THADA: variants seen among roughly 807,000 people sequenced by gnomAD.
The protein encoded by THADA is tRNA (32-2'-O)-methyltransferase regulator THADA.
THADA carries 213 observed loss-of-function variants against 219.8 expected under a neutral mutation model. The ratio of observed to expected loss-of-function variants is 0.97; its 90% CI spans 0.87 to 1.09. The LOEUF is 1.09. THADA is among the 50% of genes least tolerant of loss of function. THADA has a pLI of 0.00. For missense variants in THADA, 2,956 were observed against 2,311.3 expected (o/e 1.28, Z -5.72); for synonymous variants, 1,018 against 828.9 (o/e 1.23, Z -3.92).
intron 25 of THADA, among the ~76,000 whole-genome samples, chr2:43,489,703 A>G (rs1428163796): frequency 6.6e-6 from 1 of 152,070 alleles, no homozygotes; most frequent in Non-Finnish European, 1.5e-5. Flanking sequence ...AATCAATCCT[A>G]ATCTGCTGAT....
At chr2:43,467,846 T>C (rs190401014) in intron 26 of THADA, among the ~76,000 whole-genome samples, 13 of 152,368 alleles carry the variant, frequency 8.5e-5, no homozygotes, top group Non-Finnish European at 1.8e-4. Flanking sequence ...GAATCTTATA[T>C]AATATAGCCA....
chr2:43,541,403 G>T (rs750349976), intron 20 of THADA, 87 bp from the exon 21 acceptor site: 1 of 1,498,634 alleles, frequency 6.7e-7, no homozygotes, highest in South Asian at 1.2e-5. Context: ...ATTTCCCCAA[G>T]AATAATCTGC....
At chr2:43,358,191 C>T (rs1290166351) in intron 29 of THADA, among the ~76,000 whole-genome samples, 2 of 152,120 alleles carry the variant, frequency 1.3e-5, no homozygotes, top group Non-Finnish European at 2.9e-5. Flanking sequence ...GTCCTATCAC[C>T]ACAAAGTACA....
chr2:43,574,631 T>A lies in THADA; in HGVS notation c.1434A>T (p.Pro478=). 1.2e-6 allele frequency: 2 copies of A among 1,613,976 alleles called. No individual in the cohort carries two copies. The highest frequency in any genetic ancestry group is 1.7e-6 in the Non-Finnish European group (2 of 1,179,878). Residue 478 remains proline, a synonymous_variant, in exon 11 of 38, where the codon CCA becomes CCT. Coordinates refer to ENST00000405975, the MANE Select transcript of THADA (RefSeq NM_022065.5). ...EHILAIDKTI[P]SQILEVMGDQ... is the part of the protein sequence containing the mutation. ...CTCCCATCACCTCTAAGATTTGAGA[T>A]GGAATAGTTTTATCTATAGCCAAAA...
intron 26 of THADA, among the ~76,000 whole-genome samples, chr2:43,446,230 G>C (rs967262627): frequency 6.6e-6 from 1 of 152,324 alleles, no homozygotes; most frequent in East Asian, 1.9e-4. Flanking sequence ...AACAGTTTCT[G>C]ATAGACTTTT....
chr2:43,377,816 A>C (rs1034795594), intron 29 of THADA, among the ~76,000 whole-genome samples: 1 of 152,184 alleles, frequency 6.6e-6, no homozygotes. Context: ...TCCAGTGCAC[A>C]GGGGACTGCC....
chr2:43,258,099 G>C (rs1320711735), intron 36 of THADA, among the ~76,000 whole-genome samples: 4 of 152,160 alleles, frequency 2.6e-5, no homozygotes, highest in Non-Finnish European at 5.9e-5. Flanking sequence ...GAGCCCCAGC[G>C]GCCCACGGAG....
intron 7 of THADA, among the ~76,000 whole-genome samples, chr2:43,585,359 A>G (rs1441905232): frequency 2.0e-5 from 3 of 151,568 alleles, no homozygotes; most frequent in Admixed American, 1.3e-4. Flanking sequence ...AAAAAAAAAA[A>G]AAAAAAAAAT....
At chr2:43,260,780 T>C (rs6544637) in intron 36 of THADA, among the ~76,000 whole-genome samples, 4,626 of 152,302 alleles carry the variant, frequency 0.03, 200 homozygotes, top group African/African-American at 0.1. Context: ...GGAAATTTTT[T>C]TGGTAACATG....
intron 30 of THADA, among the ~76,000 whole-genome samples, chr2:43,334,268 T>C (rs1265179419): frequency 6.6e-6 from 1 of 151,276 alleles, no homozygotes; most frequent in African/African-American, 2.4e-5. Flanking sequence ...ATGAGGGGGA[T>C]GGAGAAGCAG....
At chr2:43,319,845 T>C (rs921010205) in intron 31 of THADA, among the ~76,000 whole-genome samples, 2 of 152,188 alleles carry the variant, frequency 1.3e-5, no homozygotes, top group Admixed American at 6.5e-5. Flanking sequence ...TAGCCTCTTA[T>C]ATAAACACAT....
intron 30 of THADA, among the ~76,000 whole-genome samples, chr2:43,327,383 G>A (rs144163102): frequency 5.7e-4 from 86 of 151,320 alleles, no homozygotes; most frequent in Middle Eastern, 3.4e-3. Context: ...GGCCCATAAC[G>A]GGCTGGAAAG....
chr2:43,281,354 C>T (rs1402954411), intron 35 of THADA, among the ~76,000 whole-genome samples: 1 of 151,606 alleles, frequency 6.6e-6, no homozygotes, highest in African/African-American at 2.4e-5. Flanking sequence ...CATTTATATC[C>T]TTCAGATCCT....
chr2:43,283,393 G>T (rs1382210108), intron 35 of THADA, among the ~76,000 whole-genome samples: 2 of 152,226 alleles, frequency 1.3e-5, no homozygotes, highest in Non-Finnish European at 2.9e-5. Context: ...CGGGTAATGG[G>T]CAGAGGTTGA....
intron 26 of THADA, among the ~76,000 whole-genome samples, chr2:43,457,998 AAAAACAAAAC>A (rs1297813506): frequency 6.6e-6 from 1 of 152,164 alleles, no homozygotes; most frequent in African/African-American, 2.4e-5. Context: ...CCTCTCGACA[AAAAACAAAAC>A]AAAACAAAAC....
chr2:43,301,675 C>T (rs1199230626), intron 31 of THADA, among the ~76,000 whole-genome samples: 2 of 152,200 alleles, frequency 1.3e-5, no homozygotes, highest in East Asian at 1.9e-4. Flanking sequence ...AAGCACATTA[C>T]ATTAATCTGA....
At chr2:43,354,060 G>GC (rs926727527) in intron 29 of THADA, among the ~76,000 whole-genome samples, 3 of 151,644 alleles carry the variant, frequency 2.0e-5, no homozygotes, top group African/African-American at 4.8e-5. Context: ...CTCGTGATCC[G>GC]CCCGCCTCAG....
chr2:43,354,556 CA>C (rs1668668947), intron 29 of THADA, among the ~76,000 whole-genome samples: 1 of 151,922 alleles, frequency 6.6e-6, no homozygotes, highest in Non-Finnish European at 1.5e-5. Flanking sequence ...TCTCTATCTC[CA>C]TGAGTTCAAT....
chr2:43,274,397 G>A (rs530996458), intron 36 of THADA, among the ~76,000 whole-genome samples: 1 of 152,248 alleles, frequency 6.6e-6, no homozygotes, highest in African/African-American at 2.4e-5. Context: ...GTACTCTCAT[G>A]TTTCTTTTGC....
Sources: gnomAD v4.1 joint callset for allele counts (sites outside exome capture counted in the v4.1 genomes callset) on GRCh38, gnomAD v4.1.1 for gene constraint, MANE v1.5 for transcripts, NCBI Gene and HGNC (gene_info 2026-07-23, HGNC 2026-07-21) for gene names.